The following SMARCA2 variants were observed in gnomAD, a reference collection of about 807,000 sequenced individuals.
The protein encoded by SMARCA2 is SWI/SNF related BAF chromatin remodeling complex subunit ATPase 2.
Under a neutral mutation model 199.8 loss-of-function variants are expected in SMARCA2, and 61 were observed. The ratio of observed to expected loss-of-function variants is 0.31; its 90% CI spans 0.25 to 0.38. The LOEUF is 0.38. SMARCA2 is among the 10% of genes least tolerant of loss of function. The pLI, the probability that SMARCA2 is intolerant of heterozygous loss-of-function variation, is 1.00. For missense variants in SMARCA2, 1,344 were observed against 2,012.2 expected (o/e 0.67, Z 6.35); for synonymous variants, 935 against 732.0 (o/e 1.28, Z -4.48).
intron 14 of SMARCA2, among the ~76,000 whole-genome samples, chr9:2,079,568 C>T (rs182998646): frequency 1.3e-5 from 2 of 152,278 alleles, no homozygotes; most frequent in African/African-American, 2.4e-5. Context: ...TTAGTATTGT[C>T]ATGCTAATCA....
intron 32 of SMARCA2, among the ~76,000 whole-genome samples, chr9:2,186,762 G>A (rs990876960): frequency 1.8e-4 from 28 of 152,208 alleles, no homozygotes; most frequent in Admixed American, 7.8e-4. Context: ...CTGGCCTCAC[G>A]TGATCCACCC....
Position 2,110,747 on chromosome 9 carries a change from C to CA in SMARCA2, c.3456+332dup, listed in dbSNP as rs1822956614. Among the ~76,000 whole-genome samples the CA allele has an allele frequency of 6.6e-6, 1 of 152,152 alleles. No homozygotes were observed. Among genetic ancestry groups the CA allele is most frequent in the Non-Finnish European group, 1.5e-5 (1 of 68,030 alleles). ...AAAATCATAGCAGTAAGAACAATAG[C>CA]AACCATCATTCATGGGACCCTTAAT... On this transcript the variant is annotated intron_variant, in intron 24 of 33. Transcript: ENST00000349721. This position sits in a 1 kb window ranked among gnomAD's most constrained non-coding sequence, Gnocchi z 4.8.
At chr9:2,166,666 T>C (rs578212475) in intron 28 of SMARCA2, among the ~76,000 whole-genome samples, 2 of 152,344 alleles carry the variant, frequency 1.3e-5, no homozygotes, top group South Asian at 2.1e-4. Context: ...AAAGATTTGA[T>C]ATAAGCTATT....
chr9:2,151,134 C>T (rs754832650), intron 27 of SMARCA2, among the ~76,000 whole-genome samples: 3 of 151,454 alleles, frequency 2.0e-5, no homozygotes, highest in African/African-American at 4.8e-5. Context: ...GACACATGTA[C>T]ATTTTGATCA....
chr9:2,029,548 T>A (rs990656276), intron 2 of SMARCA2, among the ~76,000 whole-genome samples: 1 of 152,220 alleles, frequency 6.6e-6, no homozygotes, highest in African/African-American at 2.4e-5. Context: ...ATTAGTACAT[T>A]AGTCTATAAG....
At position 2,039,793 on chromosome 9, in the gene SMARCA2, A is replaced by AGCAGCAGCAGCAGCAGCAGCAGCC; in HGVS notation, c.706_707insCGCAGCAGCAGCAGCAGCAGCAGC (p.Gln235_Gln236insProGlnGlnGlnGlnGlnGlnGln). 1.3e-6 allele frequency: 2 copies of AGCAGCAGCAGCAGCAGCAGCAGCC among 1,595,840 alleles called. No homozygotes were observed. Among genetic ancestry groups the AGCAGCAGCAGCAGCAGCAGCAGCC allele is most frequent in the Non-Finnish European group, 1.7e-6 (2 of 1,167,922 alleles). On this transcript the variant is annotated inframe_insertion, in exon 4 of 34. Coordinates refer to ENST00000349721, the MANE Select transcript of SMARCA2 (RefSeq NM_003070.5). This position sits in a 1 kb window ranked among gnomAD's most constrained non-coding sequence, Gnocchi z 4.8. The stretch of plus-strand genomic sequence containing the variant: ...CAGCAGCAACAGCAGCAGCAGCAGC[A>AGCAGCAGCAGCAGCAGCAGCAGCC]GCAGCAGCAGCAGCAGCAGCAGCAA...
chr9:2,165,130 C>T (rs545604154), intron 28 of SMARCA2, among the ~76,000 whole-genome samples: 1 of 152,212 alleles, frequency 6.6e-6, no homozygotes, highest in African/African-American at 2.4e-5. Flanking sequence ...GTAACTCAAC[C>T]CACCTGTGAA....
chr9:2,179,194 A>T lies in SMARCA2; in HGVS notation c.4254-2377A>T, dbSNP rs567681131. Among the ~76,000 whole-genome samples, 130 of 151,904 alleles carry T rather than the reference A, an allele frequency of 8.6e-4. 2 individuals carry two copies. The highest frequency in any genetic ancestry group is 3.0e-3 in the African/African-American group (124 of 41,416). On this transcript the variant is annotated intron_variant, in intron 29 of 33. Coordinates refer to ENST00000349721, the MANE Select transcript of SMARCA2 (RefSeq NM_003070.5). ...TGAAAGTTGGGGGTACACAGTAGAG[A>T]CTCTCCTGACTAGAAGAGAAGTGTG...
At position 2,123,940 on chromosome 9, in the gene SMARCA2, A is replaced by G. The variant is rs774694704; in HGVS notation, c.3981+3A>G. The G allele has an allele frequency of 6.4e-7, 1 of 1,558,658 alleles. No homozygotes were observed. Among genetic ancestry groups the G allele is most frequent in the Non-Finnish European group, 8.7e-7 (1 of 1,150,852 alleles). ...TCACGGAGAAGCAGTGGCTAAGGGT[A>G]AGCCTAGCTTTTCTAACCCGCTCTC... is the stretch of plus-strand genomic sequence containing the variant. On this transcript the variant is annotated splice_donor_region_variant and intron_variant, in intron 27 of 33. Transcript: ENST00000349721. This position sits in a 1 kb window ranked among gnomAD's most constrained non-coding sequence, Gnocchi z 4.1.
intron 25 of SMARCA2, among the ~76,000 whole-genome samples, chr9:2,118,904 C>G (rs902095207): frequency 1.3e-5 from 2 of 152,020 alleles, no homozygotes; most frequent in Non-Finnish European, 2.9e-5. Context: ...CAATAATACC[C>G]ATAGAAATAT....
chr9:2,064,288 T>C lies in SMARCA2; in HGVS notation c.1692+3302T>C, dbSNP rs1213838752. Among the ~76,000 whole-genome samples the C allele has an allele frequency of 2.6e-5, 4 of 152,228 alleles. No homozygotes were observed. In the East Asian group the frequency reaches 7.7e-4, roughly 29 times the overall value. On this transcript the variant is annotated intron_variant, in intron 9 of 33. Transcript: ENST00000349721. ...ATACTAATTTGCTATTATTCTCTTGTAGGCTAGTTCGTTAAAAGATCTATT... is the reference window on the plus strand; with the variant it reads ...ATACTAATTTGCTATTATTCTCTTGCAGGCTAGTTCGTTAAAAGATCTATT...
chr9:2,183,555 G>GT (rs1827208718), intron 31 of SMARCA2, among the ~76,000 whole-genome samples: 1 of 152,194 alleles, frequency 6.6e-6, no homozygotes, highest in Non-Finnish European at 1.5e-5. Flanking sequence ...AACCAATGCA[G>GT]TGTCAAGCCA....
At chr9:2,188,957 A>C (rs1827685480) in intron 32 of SMARCA2, among the ~76,000 whole-genome samples, 1 of 152,128 alleles carries the variant, frequency 6.6e-6, no homozygotes. Context: ...TCCAACTTTA[A>C]AGCCAGCAAT....
intron 27 of SMARCA2, among the ~76,000 whole-genome samples, chr9:2,151,082 A>C (rs749973509): frequency 6.6e-6 from 1 of 151,502 alleles, no homozygotes. Context: ...CTGCACATAA[A>C]ACACAGACTT....
Position 2,056,797 on chromosome 9 carries a change from G to A in SMARCA2, c.1299G>A (p.Glu433=). Residue 433 remains glutamate (E), a synonymous_variant, in exon 7 of 34, where the codon GAG becomes GAA. Coordinates refer to ENST00000349721, the MANE Select transcript of SMARCA2 (RefSeq NM_003070.5). This position sits in a 1 kb window ranked among gnomAD's most constrained non-coding sequence, Gnocchi z 4.0. ...LREARMTEKL[E]KQQKIEQERK... is the part of the protein sequence containing the mutation. The stretch of plus-strand genomic sequence containing the variant: ...AAGCTCGCATGACCGAGAAGCTGGA[G>A]AAGCAGCAGAAGATTGAGCAGGAGA... 1 of 1,614,182 alleles carries A rather than the reference G, an allele frequency of 6.2e-7. No individual in the cohort carries two copies. Among genetic ancestry groups the A allele is most frequent in the Non-Finnish European group, 8.5e-7 (1 of 1,180,028 alleles).
chr9:2,133,572 C>T (rs1032961006), intron 27 of SMARCA2, among the ~76,000 whole-genome samples: 3 of 151,750 alleles, frequency 2.0e-5, no homozygotes, highest in Non-Finnish European at 2.9e-5. Context: ...AATGAGCCAC[C>T]GCGCCTGGCC....
At chr9:2,147,946 A>G (rs1319459927) in intron 27 of SMARCA2, among the ~76,000 whole-genome samples, 4 of 151,302 alleles carry the variant, frequency 2.6e-5, no homozygotes, top group Non-Finnish European at 5.9e-5. Context: ...TGATTCTTGC[A>G]CCTCAGCCTC....
intron 2 of SMARCA2, among the ~76,000 whole-genome samples, chr9:2,031,473 G>A (rs1467438633): frequency 2.6e-5 from 4 of 152,188 alleles, no homozygotes; most frequent in African/African-American, 7.2e-5. Context: ...AAGATAAAAT[G>A]TGAGGGAAAT....
chr9:2,058,151 G>A, intron 7 of SMARCA2, 140 bp from the exon 8 acceptor site: 1 of 719,118 alleles, frequency 1.4e-6, no homozygotes, highest in Non-Finnish European at 2.4e-6. Context: ...GAGACACCAG[G>A]GCACCTATCC....
Sources: allele counts gnomAD v4.1 joint callset (sites outside exome capture counted in the v4.1 genomes callset), GRCh38; gene constraint gnomAD v4.1.1; non-coding constraint Gnocchi (gnomAD v3.1); transcripts MANE v1.5; gene names NCBI Gene and HGNC (gene_info 2026-07-23, HGNC 2026-07-21).